Variants in RBFOX3 observed in about 807,000 individuals in gnomAD.
RBFOX3 encodes RNA binding fox-1 homolog 3.
In RBFOX3, 17 loss-of-function variants were observed where a neutral mutation model predicts 48.7. The observed-to-expected ratio is 0.35, with a 90% CI of 0.24 to 0.52. The LOEUF is 0.52. Among genes scored for constraint, RBFOX3 ranks in the 20% least tolerant of loss-of-function variants. The pLI is 0.94. For synonymous variants in RBFOX3, 212 were observed against 209.5 expected (o/e 1.01, Z -0.10); for missense variants, 382 against 497.5 (o/e 0.77, Z 2.21).
intron 2 of RBFOX3, among the ~76,000 whole-genome samples, chr17:79,386,907 T>G (rs1261918250): frequency 6.6e-6 from 1 of 152,244 alleles, no homozygotes; most frequent in Non-Finnish European, 1.5e-5. Context: ...GCTGTCTACT[T>G]GGGAAGACAG....
chr17:79,320,050 G>T (rs1183591378), intron 2 of RBFOX3, among the ~76,000 whole-genome samples: 3 of 151,806 alleles, frequency 2.0e-5, no homozygotes, highest in Non-Finnish European at 4.4e-5. Flanking sequence ...TGGGCTGTTG[G>T]TCTTGTCCAG....
rs2077327403 is a variant in RBFOX3 at position 79,473,667 on chromosome 17, C to A, written c.-175+8787G>T. Reference sequence around the variant, plus strand: ...CCGCTGGTGACGGCAGGTGGCCACACCCTGCAAGCTCCCTGTAATTCCAGC... The same window carrying A: ...CCGCTGGTGACGGCAGGTGGCCACAACCTGCAAGCTCCCTGTAATTCCAGC... On this transcript the variant is annotated intron_variant, in intron 2 of 14. Coordinates refer to ENST00000693108, the MANE Select transcript of RBFOX3 (RefSeq NM_001350451.2). This position sits in a 1 kb window ranked among gnomAD's most constrained non-coding sequence, Gnocchi z 4.2. Among the ~76,000 whole-genome samples, 1 of 152,208 alleles carries A rather than the reference C, an allele frequency of 6.6e-6. No individual in the cohort carries two copies. Among genetic ancestry groups the A allele is most frequent in the Admixed American group, 6.5e-5 (1 of 15,276 alleles).
intron 5 of RBFOX3, among the ~76,000 whole-genome samples, chr17:79,112,909 G>GGGGGGC (rs2032436654): frequency 9.1e-6 from 1 of 109,862 alleles, no homozygotes; most frequent in Admixed American, 8.8e-5. Flanking sequence ...GCTCTCGGGG[G>GGGGGGC]GGGGGTGGGC....
chr17:79,333,542 G>C (rs1000413959), intron 2 of RBFOX3, among the ~76,000 whole-genome samples: 2 of 152,166 alleles, frequency 1.3e-5, no homozygotes, highest in African/African-American at 4.8e-5. Flanking sequence ...ACCTCGCTCA[G>C]AGCCACCCAA....
chr17:79,134,416 A>G lies in RBFOX3; in HGVS notation c.-33-18668T>C. Among the ~76,000 whole-genome samples the G allele has an allele frequency of 1.3e-5, 2 of 152,098 alleles. 1 individual carries two copies. The highest frequency in any genetic ancestry group is 2.9e-5 in the Non-Finnish European group (2 of 68,024). On this transcript the variant is annotated intron_variant, in intron 4 of 14. Coordinates refer to ENST00000693108, the MANE Select transcript of RBFOX3 (RefSeq NM_001350451.2). The stretch of plus-strand genomic sequence containing the variant: ...GGTCCGGGCAGTGGCTCTGGGAGGG[A>G]GACTCTGTGGGTACAGAACCCCTGG...
At chr17:79,615,489 G>A, upstream of RBFOX3, among the ~76,000 whole-genome samples, 1 of 152,254 alleles carries the variant, frequency 6.6e-6, no homozygotes, top group South Asian at 2.1e-4. Flanking sequence ...TGAGAGCAGG[G>A]TGGTGGCATG....
chr17:79,464,939 G>A (rs1398477505), intron 2 of RBFOX3, among the ~76,000 whole-genome samples: 5 of 152,234 alleles, frequency 3.3e-5, no homozygotes, highest in African/African-American at 9.6e-5. Context: ...AAGAGGGTGA[G>A]GCTCGGCAAG....
Position 79,090,968 on chromosome 17 carries a change from G to A in RBFOX3, c.1078-83C>T, listed in dbSNP as rs547093786. 674 of 1,424,972 alleles carry A rather than the reference G, an allele frequency of 4.7e-4. 1 individual carries two copies. Among genetic ancestry groups the A allele is most frequent in the Non-Finnish European group, 5.9e-4 (621 of 1,061,404 alleles). The allele number at this position is 1,424,972 out of a possible 1,614,324, so 88.3% of individuals were successfully genotyped here. ...TGAAGGCGACAGGACCACGTGGCACGGGGCCCCTGGCCTAAAGTCCTGGCG... is the reference window on the plus strand; with the variant it reads ...TGAAGGCGACAGGACCACGTGGCACAGGGCCCCTGGCCTAAAGTCCTGGCG... On this transcript the variant is annotated intron_variant, in intron 14 of 14. Coordinates refer to ENST00000693108, the MANE Select transcript of RBFOX3 (RefSeq NM_001350451.2).
At chr17:79,371,031 C>A (rs576463070) in intron 2 of RBFOX3, among the ~76,000 whole-genome samples, 1 of 152,082 alleles carries the variant, frequency 6.6e-6, no homozygotes, top group Non-Finnish European at 1.5e-5. Flanking sequence ...GGGACATGCA[C>A]GGCAGGGGAC....
intron 2 of RBFOX3, among the ~76,000 whole-genome samples, chr17:79,354,550 C>A (rs115017009): frequency 1.3e-5 from 2 of 152,266 alleles, no homozygotes; most frequent in Admixed American, 1.3e-4. Flanking sequence ...TCAGAACTAA[C>A]CCCGGGACAG....
At chr17:79,643,046 G>A in the RBFOX3 span, among the ~76,000 whole-genome samples, 2 of 152,106 alleles carry the variant, frequency 1.3e-5, no homozygotes, top group Admixed American at 6.5e-5. Context: ...AGGTTGCAGT[G>A]AGCTGTGATC....
intron 1 of RBFOX3, among the ~76,000 whole-genome samples, chr17:79,556,501 G>A (rs1000448083): frequency 7.2e-5 from 11 of 152,132 alleles, no homozygotes; most frequent in African/African-American, 2.7e-4. Flanking sequence ...CTGTTGGGGA[G>A]GAAGTGTTGA....
chr17:79,136,275 T>C (rs1000952837), intron 4 of RBFOX3: 1 of 152,380 alleles, frequency 6.6e-6, no homozygotes, highest in Admixed American at 6.5e-5. Flanking sequence ...GGCCCACCCC[T>C]TCCCTATGAC....
At chr17:79,129,372 T>TAACCTAGTGACCAACCA (rs1305869812) in intron 4 of RBFOX3, among the ~76,000 whole-genome samples, 6 of 104,562 alleles carry the variant, frequency 5.7e-5, no homozygotes, top group South Asian at 2.6e-4. Flanking sequence ...AACCACCTGC[T>TAACCTAGTGACCAACCA]GCTACCTGAC....
At chr17:79,397,770 G>A (rs983025433) in intron 2 of RBFOX3, among the ~76,000 whole-genome samples, 7 of 152,104 alleles carry the variant, frequency 4.6e-5, no homozygotes, top group South Asian at 4.1e-4. Flanking sequence ...CCAGGACGTC[G>A]GGGAACCCTC....
At position 79,418,771 on chromosome 17, in the gene RBFOX3, C is replaced by T. The variant is rs2065787287; in HGVS notation, c.-175+63683G>A. Among the ~76,000 whole-genome samples the T allele has an allele frequency of 6.6e-6, 1 of 152,038 alleles. No homozygotes were observed. Among genetic ancestry groups the T allele is most frequent in the African/African-American group, 2.4e-5 (1 of 41,394 alleles). The stretch of plus-strand genomic sequence containing the variant: ...AGGAGGTTTGGGAGAGGAATTCCTT[C>T]CCAAAAAGTGAGGGAGGACATGGCA... On this transcript the variant is annotated intron_variant, in intron 2 of 14. Coordinates refer to ENST00000693108, the MANE Select transcript of RBFOX3 (RefSeq NM_001350451.2). The surrounding 1 kb of genome is among the most constrained non-coding windows in gnomAD (Gnocchi z 5.0).
At chr17:79,248,481 T>A (rs1567913323) in intron 3 of RBFOX3, among the ~76,000 whole-genome samples, 1 of 152,210 alleles carries the variant, frequency 6.6e-6, no homozygotes, top group Non-Finnish European at 1.5e-5. Flanking sequence ...TGCACCAAGA[T>A]GCCTTCTACC....
chr17:79,225,672 G>A (rs60040014), intron 4 of RBFOX3, among the ~76,000 whole-genome samples: 27,078 of 152,080 alleles, frequency 0.18, 2,896 homozygotes, highest in African/African-American at 0.3. Context: ...TCCATGCCTC[G>A]AGGACCCACA....
At chr17:79,651,176 C>T in the RBFOX3 span, among the ~76,000 whole-genome samples, 2 of 152,226 alleles carry the variant, frequency 1.3e-5, no homozygotes, top group East Asian at 1.9e-4. Flanking sequence ...TCCACGTGCC[C>T]ACTTCCCCTA....
Sources: allele counts gnomAD v4.1 joint callset (sites outside exome capture counted in the v4.1 genomes callset), GRCh38; gene constraint gnomAD v4.1.1; non-coding constraint Gnocchi (gnomAD v3.1); transcripts MANE v1.5; gene names NCBI Gene and HGNC (gene_info 2026-07-23, HGNC 2026-07-21).